The following OXCT1 variants were observed in gnomAD, a reference collection of about 807,000 sequenced individuals.
OXCT1 encodes the protein 3-oxoacid CoA-transferase 1.
A neutral mutation model predicts 69.6 loss-of-function variants in OXCT1; 27 were observed. The observed-to-expected ratio is 0.39, with a 90% CI of 0.29 to 0.54. The LOEUF is 0.54. Ranked by LOEUF, OXCT1 falls within the 20% of genes least tolerant of loss-of-function variation. OXCT1 has a pLI of 0.72. For synonymous variants in OXCT1, 202 were observed against 217.8 expected (o/e 0.93, Z 0.64); for missense variants, 437 against 650.2 (o/e 0.67, Z 3.57).
intron 1 of OXCT1, among the ~76,000 whole-genome samples, chr5:41,867,129 G>T (rs181420016): frequency 4.9e-4 from 75 of 151,592 alleles, no homozygotes; most frequent in African/African-American, 1.7e-3. Context: ...GTAGTATTTG[G>T]TTACATGAGT....
chr5:41,756,009 A>G (rs1410153840), intron 14 of OXCT1, among the ~76,000 whole-genome samples: 2 of 152,082 alleles, frequency 1.3e-5, no homozygotes, highest in Admixed American at 6.6e-5. Context: ...GAGTGAAGCT[A>G]TATGAGTATA....
rs1750243917 is a variant in OXCT1, at chr5:41,870,407, A to G, written c.-49T>C. On this transcript the variant is annotated 5_prime_UTR_variant, in exon 1 of 17. Coordinates refer to ENST00000196371, the MANE Select transcript of OXCT1 (RefSeq NM_000436.4). The surrounding 1 kb of genome is among the most constrained non-coding windows in gnomAD (Gnocchi z 4.2). ...GGCTGCGGGTTGGAGCGCGCGTTTG[A>G]GCGTCGGTGCGCGACTGCGAAGGAA... 6.9e-7 allele frequency: 1 copy of G among 1,443,290 alleles called. No individual in the cohort carries two copies. The highest frequency in any genetic ancestry group is 1.4e-5 in the African/African-American group (1 of 71,434). 89.4% of individuals were successfully genotyped at this position (1,443,290 alleles called of 1,614,324 possible). A position where few individuals can be genotyped will look rare whatever the true frequency, so the allele number is the denominator to read the frequency against.
At position 41,870,370 on chromosome 5, in the gene OXCT1, G is replaced by T; in HGVS notation, c.-12C>A. ...TTGAGAGCCGCCATCTTCGGGCGGTGAGGCAGGAGGAGGCTGCGGGTTGGA... is the reference window on the plus strand; with the variant it reads ...TTGAGAGCCGCCATCTTCGGGCGGTTAGGCAGGAGGAGGCTGCGGGTTGGA... On this transcript the variant is annotated 5_prime_UTR_variant, in exon 1 of 17. Transcript: ENST00000196371. The surrounding 1 kb of genome is among the most constrained non-coding windows in gnomAD (Gnocchi z 4.2). The T allele has an allele frequency of 6.2e-7, 1 of 1,606,040 alleles. No individual in the cohort carries two copies.
At chr5:41,795,296 T>C (rs1417189455) in intron 11 of OXCT1, among the ~76,000 whole-genome samples, 3 of 152,200 alleles carry the variant, frequency 2.0e-5, no homozygotes, top group Non-Finnish European at 4.4e-5. Context: ...CTGTGCAGCC[T>C]GGTTCCTAAC....
chr5:41,808,942 A>G (rs534537734), intron 7 of OXCT1, among the ~76,000 whole-genome samples: 5 of 152,216 alleles, frequency 3.3e-5, no homozygotes, highest in Non-Finnish European at 5.9e-5. Context: ...ATGAAGATTT[A>G]TTATTCATGA....
chr5:41,764,082 C>T (rs1744480460), intron 13 of OXCT1, among the ~76,000 whole-genome samples: 1 of 152,134 alleles, frequency 6.6e-6, no homozygotes, highest in Non-Finnish European at 1.5e-5. Context: ...ATAGCCTTCA[C>T]TCAAAGAGAT....
chr5:41,842,821 G>C, intron 5 of OXCT1, 40 bp from the exon 6 acceptor site: 2 of 1,309,316 alleles, frequency 1.5e-6, no homozygotes, highest in Non-Finnish European at 2.2e-6. Flanking sequence ...TATTTGCATA[G>C]GTCTTGATTG....
chr5:41,827,094 A>G (rs1429114668), intron 7 of OXCT1, among the ~76,000 whole-genome samples: 1 of 152,150 alleles, frequency 6.6e-6, no homozygotes, highest in Non-Finnish European at 1.5e-5. Flanking sequence ...CCCAGATCAC[A>G]TCAGTCTCCT....
chr5:41,746,926 C>T (rs1231986583), intron 15 of OXCT1, among the ~76,000 whole-genome samples: 2 of 152,142 alleles, frequency 1.3e-5, no homozygotes, highest in Non-Finnish European at 2.9e-5. Context: ...TCGAGTCCAT[C>T]TCCTAAATCT....
chr5:41,777,341 G>A (rs1048762372), intron 13 of OXCT1, among the ~76,000 whole-genome samples: 3 of 152,142 alleles, frequency 2.0e-5, no homozygotes, highest in African/African-American at 7.2e-5. Flanking sequence ...GCTTGAACCC[G>A]AGAGGTGGAG....
chr5:41,852,540 T>C (rs916862309), intron 4 of OXCT1, among the ~76,000 whole-genome samples: 1 of 152,184 alleles, frequency 6.6e-6, no homozygotes, highest in Admixed American at 6.5e-5. Context: ...TACTTAAAGA[T>C]TTCAGAAAGT....
chr5:41,739,803 G>A (rs1019438037), intron 15 of OXCT1: 17 of 335,912 alleles, frequency 5.1e-5, no homozygotes, highest in South Asian at 1.5e-4. Flanking sequence ...CCCGAGAGGC[G>A]GAGCTTGCAG....
At chr5:41,842,862 T>A (rs1365572344) in intron 5 of OXCT1, 81 bp from the exon 6 acceptor site, 28 of 947,386 alleles carry the variant, frequency 3.0e-5, no homozygotes. Context: ...AGGTAGATAA[T>A]AAGGATACAA....
chr5:41,836,114 C>G (rs1289778317), intron 7 of OXCT1, among the ~76,000 whole-genome samples: 2 of 152,204 alleles, frequency 1.3e-5, no homozygotes, highest in Admixed American at 6.5e-5. Flanking sequence ...GTCCTTGCTA[C>G]TCCTTGTCAT....
chr5:41,810,058 G>T (rs1413786360), intron 7 of OXCT1, among the ~76,000 whole-genome samples: 1 of 151,700 alleles, frequency 6.6e-6, no homozygotes, highest in Admixed American at 6.6e-5. Flanking sequence ...AAGAAAACAT[G>T]TTTTCAGACA....
intron 13 of OXCT1, among the ~76,000 whole-genome samples, chr5:41,776,249 G>T (rs991163588): frequency 6.6e-6 from 1 of 152,144 alleles, no homozygotes; most frequent in Non-Finnish European, 1.5e-5. Flanking sequence ...GAAAAACAAG[G>T]AAAGACTGAG....
At chr5:41,743,986 CT>C (rs1397526989) in intron 15 of OXCT1, among the ~76,000 whole-genome samples, 1 of 151,984 alleles carries the variant, frequency 6.6e-6, no homozygotes, top group African/African-American at 2.4e-5. Flanking sequence ...TCCATATGAA[CT>C]TTAAAGTAGT....
chr5:41,804,881 C>T (rs1158521750), intron 9 of OXCT1, among the ~76,000 whole-genome samples: 1 of 152,014 alleles, frequency 6.6e-6, no homozygotes, highest in East Asian at 1.9e-4. Flanking sequence ...ATTCAACAAA[C>T]ATTCATTTTA....
At chr5:41,860,128 G>T (rs547471338) in intron 3 of OXCT1, among the ~76,000 whole-genome samples, 7 of 151,740 alleles carry the variant, frequency 4.6e-5, no homozygotes, top group African/African-American at 1.7e-4. Context: ...AAGAGTTATC[G>T]AGTTGTCTTA....
Sources: allele counts gnomAD v4.1 joint callset (sites outside exome capture counted in the v4.1 genomes callset), GRCh38; gene constraint gnomAD v4.1.1; non-coding constraint Gnocchi (gnomAD v3.1); transcripts MANE v1.5; gene names NCBI Gene and HGNC (gene_info 2026-07-23, HGNC 2026-07-21).